The following MCC variants were observed in gnomAD, a reference collection of about 807,000 sequenced individuals.
The protein encoded by MCC is colorectal mutant cancer protein.
A neutral mutation model predicts 116.2 loss-of-function variants in MCC; 90 were observed. The ratio of observed to expected loss-of-function variants is 0.77; its 90% CI spans 0.65 to 0.92. The LOEUF is 0.92. Ranked by LOEUF, MCC falls within the 40% of genes least tolerant of loss-of-function variation. MCC has a pLI of 0.00. For synonymous variants in MCC, 578 were observed against 510.5 expected (o/e 1.13, Z -1.78); for missense variants, 1,516 against 1,312.2 (o/e 1.16, Z -2.40).
intron 1 of MCC, among the ~76,000 whole-genome samples, chr5:113,468,145 C>G (rs1771969561): frequency 6.6e-6 from 1 of 152,176 alleles, no homozygotes. Context: ...AATCTGACTT[C>G]CTCTTTTCCT....
chr5:113,393,582 C>G (rs1352395523), intron 1 of MCC, among the ~76,000 whole-genome samples: 1 of 152,202 alleles, frequency 6.6e-6, no homozygotes, highest in African/African-American at 2.4e-5. Flanking sequence ...ATATAGTTTT[C>G]TCAACATCCT....
chr5:113,317,180 A>T (rs563112575), intron 3 of MCC, among the ~76,000 whole-genome samples: 1 of 152,350 alleles, frequency 6.6e-6, no homozygotes, highest in Admixed American at 6.5e-5. Flanking sequence ...TTAAACCCAC[A>T]GTTCAAAATA....
intron 1 of MCC, among the ~76,000 whole-genome samples, chr5:113,448,639 T>A (rs1331987780): frequency 4.6e-5 from 7 of 152,324 alleles, no homozygotes; most frequent in South Asian, 2.1e-4. Flanking sequence ...CCAGTTTTTT[T>A]AAACCTTAGC....
intron 13 of MCC, among the ~76,000 whole-genome samples, chr5:113,066,524 C>G (rs1418869164): frequency 6.6e-6 from 1 of 152,168 alleles, no homozygotes; most frequent in Non-Finnish European, 1.5e-5. Flanking sequence ...GCATCACTCT[C>G]CATACAAATG....
chr5:113,144,996 C>T (rs1220487339), intron 4 of MCC, among the ~76,000 whole-genome samples: 1 of 152,202 alleles, frequency 6.6e-6, no homozygotes, highest in Admixed American at 6.5e-5. Flanking sequence ...ACACTCTTTC[C>T]ATGAAGTTAG....
At chr5:113,104,034 G>A (rs1053238108) in intron 7 of MCC, among the ~76,000 whole-genome samples, 158 bp downstream of exon 7, 1 of 152,066 alleles carries the variant, frequency 6.6e-6, no homozygotes, top group Non-Finnish European at 1.5e-5. Flanking sequence ...AAAATTTCTA[G>A]AGCCCCCGCT....
chr5:113,366,143 T>A (rs1187302204), intron 2 of MCC, among the ~76,000 whole-genome samples: 3 of 152,228 alleles, frequency 2.0e-5, no homozygotes, highest in Non-Finnish European at 4.4e-5. Flanking sequence ...ATTAGTTAAT[T>A]TTAATCAGAT....
chr5:113,108,489 C>T (rs1337402971), intron 6 of MCC, among the ~76,000 whole-genome samples: 3 of 151,628 alleles, frequency 2.0e-5, no homozygotes, highest in Non-Finnish European at 4.4e-5. Flanking sequence ...CCTGTCTCTA[C>T]TAAAAATACA....
chr5:113,264,868 C>A (rs1341314662), intron 3 of MCC, among the ~76,000 whole-genome samples: 6 of 151,980 alleles, frequency 3.9e-5, no homozygotes, highest in Admixed American at 3.3e-4. Flanking sequence ...ATGGTGAAAC[C>A]CCATCTCTAC....
intron 3 of MCC, among the ~76,000 whole-genome samples, chr5:113,169,506 G>C (rs993801315): frequency 1.3e-5 from 2 of 152,214 alleles, no homozygotes; most frequent in African/African-American, 2.4e-5. Context: ...ATTGGGTGGA[G>C]ATGAGGTGTG....
At chr5:113,380,080 G>A (rs554061047) in intron 2 of MCC, among the ~76,000 whole-genome samples, 2 of 152,330 alleles carry the variant, frequency 1.3e-5, no homozygotes, top group Non-Finnish European at 2.9e-5. Context: ...CCTCTTCCGA[G>A]CTGAGCATGT....
intron 5 of MCC, among the ~76,000 whole-genome samples, chr5:113,140,918 TG>T (rs1561394595): frequency 3.9e-5 from 6 of 152,308 alleles, no homozygotes; most frequent in Admixed American, 3.3e-4. Context: ...TAATTTTAGG[TG>T]TCAACTTGAC....
At chr5:113,250,456 T>C (rs1386225687) in intron 3 of MCC, among the ~76,000 whole-genome samples, 1 of 152,244 alleles carries the variant, frequency 6.6e-6, no homozygotes, top group Non-Finnish European at 1.5e-5. Context: ...CCTCTGTTTC[T>C]TGAGTCATCA....
intron 3 of MCC, among the ~76,000 whole-genome samples, chr5:113,197,238 T>C (rs2120349): frequency 0.51 from 76,855 of 151,962 alleles, 23,791 homozygotes; most frequent in East Asian, 0.75. Flanking sequence ...GGGGAATTTT[T>C]TTTTCCTAAA....
intron 3 of MCC, among the ~76,000 whole-genome samples, chr5:113,288,246 T>C (rs1012202321): frequency 1.1e-4 from 16 of 152,212 alleles, no homozygotes; most frequent in African/African-American, 3.6e-4. Flanking sequence ...AGCCCCACAG[T>C]GATTTGGCCA....
Position 113,132,417 on chromosome 5 carries a change from T to TACACAC in MCC, c.885-9597_885-9592dup, listed in dbSNP as rs1391358885. On this transcript the variant is annotated intron_variant, in intron 5 of 18. Transcript: ENST00000408903. ...ATATATACATACATACATATATATA[T>TACACAC]ACACACATACATATATATATATATA... 1.6e-5 allele frequency among the ~76,000 whole-genome samples: 2 copies of TACACAC among 121,270 alleles called. 1 individual carries two copies. The highest frequency in any genetic ancestry group is 7.1e-5 in the African/African-American group (2 of 28,286). 79.6% of individuals were successfully genotyped at this position (121,270 alleles called of 152,430 possible). A position where few individuals can be genotyped will look rare whatever the true frequency, so the allele number is the denominator to read the frequency against.
At chr5:113,195,254 C>T (rs1442430836) in intron 3 of MCC, among the ~76,000 whole-genome samples, 1 of 152,194 alleles carries the variant, frequency 6.6e-6, no homozygotes, top group Non-Finnish European at 1.5e-5. Context: ...GAAGGGGTGA[C>T]CAGTGTTCCT....
At chr5:113,269,817 T>C (rs1221635641) in intron 3 of MCC, among the ~76,000 whole-genome samples, 1 of 152,206 alleles carries the variant, frequency 6.6e-6, no homozygotes. Context: ...AAAACCCCAC[T>C]GACAGACTGC....
rs575983202 is a variant in MCC, at chr5:113,204,318, C to T, written c.628-52896G>A. Reference sequence around the variant, plus strand: ...GGCCTTTGCACACAAAGCTCTCTTCCTCAGAAAAGCTCTATTGATTGATCT... The same window carrying T: ...GGCCTTTGCACACAAAGCTCTCTTCTTCAGAAAAGCTCTATTGATTGATCT... On this transcript the variant is annotated intron_variant, in intron 3 of 18. Transcript: ENST00000408903. Among the ~76,000 whole-genome samples the T allele has an allele frequency of 1.2e-3, 184 of 152,300 alleles. 2 individuals carry two copies. The highest frequency in any genetic ancestry group is 4.3e-3 in the African/African-American group (178 of 41,568).
Sources: gnomAD v4.1 joint callset for allele counts (sites outside exome capture counted in the v4.1 genomes callset) on GRCh38, gnomAD v4.1.1 for gene constraint, MANE v1.5 for transcripts, NCBI Gene and HGNC (gene_info 2026-07-23, HGNC 2026-07-21) for gene names.